The following ANKRD31 variants were observed in gnomAD, a reference collection of about 807,000 sequenced individuals.
ANKRD31 encodes the protein ankyrin repeat domain-containing protein 31.
Under a neutral mutation model 186.0 loss-of-function variants are expected in ANKRD31, and 147 were observed. That is an observed-to-expected ratio of 0.79 (90% confidence interval 0.69 to 0.91). ANKRD31 has a LOEUF of 0.91. Ranked by LOEUF, ANKRD31 falls within the 40% of genes least tolerant of loss-of-function variation. The pLI, the probability that ANKRD31 is intolerant of heterozygous loss-of-function variation, is 0.00. For synonymous variants in ANKRD31, 673 were observed against 736.4 expected (o/e 0.91, Z 1.39); for missense variants, 1,986 against 2,148.8 (o/e 0.92, Z 1.50).
At chr5:75,087,687 A>C (rs917940273) in intron 23 of ANKRD31, among the ~76,000 whole-genome samples, 1 of 151,298 alleles carries the variant, frequency 6.6e-6, no homozygotes, top group Admixed American at 6.6e-5. Flanking sequence ...AACCAATAAA[A>C]AACTGTAGGT....
At chr5:75,207,060 A>G (rs938950390) in intron 4 of ANKRD31, among the ~76,000 whole-genome samples, 1 of 152,226 alleles carries the variant, frequency 6.6e-6, no homozygotes, top group Admixed American at 6.5e-5. Context: ...AAGAAAGGCA[A>G]TCAGCTAACT....
intron 23 of ANKRD31, among the ~76,000 whole-genome samples, chr5:75,084,829 C>A (rs1000880920): frequency 1.3e-5 from 2 of 152,096 alleles, no homozygotes; most frequent in Non-Finnish European, 2.9e-5. Context: ...TTCAAGAAAT[C>A]ACATATTTAA....
intron 22 of ANKRD31, among the ~76,000 whole-genome samples, chr5:75,101,186 C>A (rs541982871): frequency 2.1e-3 from 323 of 152,242 alleles, no homozygotes; most frequent in Non-Finnish European, 3.8e-3. Flanking sequence ...ACTTAGGAAG[C>A]TTAGTTTCGC....
At chr5:75,199,580 A>C in intron 6 of ANKRD31, 51 bp downstream of exon 6, 2 of 1,412,922 alleles carry the variant, frequency 1.4e-6, no homozygotes, top group Non-Finnish European at 1.9e-6. Context: ...TAATTTTTTA[A>C]AAAATCTAAA....
chr5:75,082,949 C>T (rs1000578723), intron 24 of ANKRD31, among the ~76,000 whole-genome samples: 4 of 152,154 alleles, frequency 2.6e-5, no homozygotes, highest in Admixed American at 6.5e-5. Context: ...AAAACAGATT[C>T]GCTGTGCTTC....
Position 75,146,798 on chromosome 5 carries a change from A to G in ANKRD31, c.2613T>C (p.His871=). 6.5e-7 allele frequency: 1 copy of G among 1,536,202 alleles called. No individual in the cohort carries two copies. Among genetic ancestry groups the G allele is most frequent in the East Asian group, 2.4e-5 (1 of 40,866 alleles). The change falls in exon 14 of 26, where the codon CAT becomes CAC. Residue 871 remains histidine (H), a synonymous_variant. Transcript: ENST00000506364. ...QEQHHVLYKS[H]ENSNLVPKDE... ...CTTTTGGGACCAAGTTACTGTTTTC[A>G]TGAGATTTATAAAGTACATGGTGTT...
Position 75,137,964 on chromosome 5 carries a change from T to A in ANKRD31, c.3768A>T (p.Gly1256=). The change falls in exon 17 of 26, where the codon GGA becomes GGT. Residue 1256 remains glycine, a synonymous_variant. Transcript: ENST00000506364. ...ATAACTCTACAATTATATCAATAGA[T>A]CCTTCATTAGATGCCTCATGAAGTG... ...WTPLHEASNE[G]SIDIIVELLK... 3 of 1,525,216 alleles carry A rather than the reference T, an allele frequency of 2.0e-6. No individual in the cohort carries two copies. The highest frequency in any genetic ancestry group is 2.6e-6 in the Non-Finnish European group (3 of 1,142,550). 94.5% of individuals were successfully genotyped at this position (1,525,216 alleles called of 1,614,324 possible).
chr5:75,126,355 T>C (rs1749256262), intron 17 of ANKRD31, among the ~76,000 whole-genome samples: 1 of 152,078 alleles, frequency 6.6e-6, no homozygotes. Context: ...AGCAGGAGAA[T>C]TGCTTGAACC....
In ANKRD31 at chr5:75,146,599, T is replaced by C; in HGVS notation, c.2812A>G (p.Lys938Glu). ...YNFKENLTNK[K>E]EMGFQQFLLS... is the part of the protein sequence containing the mutation. ...AAAAACTGTTGGAAACCCATTTCTT[T>C]TTTATTTGTTAAATTCTCCTTAAAA... The change falls in exon 14 of 26, where the codon AAA (lysine) becomes GAA (glutamate). Residue 938 changes from lysine (K) to glutamate (E), a missense_variant. Transcript: ENST00000506364. The C allele has an allele frequency of 6.5e-7, 1 of 1,535,298 alleles. No homozygotes were observed. Among genetic ancestry groups the C allele is most frequent in the Non-Finnish European group, 8.7e-7 (1 of 1,146,088 alleles).
At position 75,068,482 on chromosome 5, in the gene ANKRD31, G is replaced by A; in HGVS notation, c.*37C>T. The A allele has an allele frequency of 7.0e-7, 1 of 1,434,204 alleles. No homozygotes were observed. The highest frequency in any genetic ancestry group is 9.1e-7 in the Non-Finnish European group (1 of 1,098,228). The allele number at this position is 1,434,204 out of a possible 1,614,324, so 88.8% of individuals were successfully genotyped here. On this transcript the variant is annotated 3_prime_UTR_variant, in exon 26 of 26. Transcript: ENST00000506364. ...AAATATAAATGTTTGTTGGTAATTT[G>A]AACAAATATCCAATAAAATATTAAG... is the stretch of plus-strand genomic sequence containing the variant.
In ANKRD31 at chr5:75,236,839, G is replaced by A. The variant is rs1273299992; in HGVS notation, c.-153C>T. On this transcript the variant is annotated 5_prime_UTR_variant, in exon 1 of 26. Coordinates refer to ENST00000506364, the MANE Select transcript of ANKRD31 (RefSeq NM_001372053.1). ...CGGGACTTGTCGCAGGGCTGCTGAG[G>A]AGGACGCAGGCGGCCGCGAGCGCGG... The A allele has an allele frequency of 6.4e-6, 4 of 620,958 alleles. No homozygotes were observed. The highest frequency in any genetic ancestry group is 1.0e-5 in the Non-Finnish European group (4 of 395,744). The allele number at this position is 620,958 out of a possible 1,614,324, so 38.5% of individuals were successfully genotyped here. A position where few individuals can be genotyped will look rare whatever the true frequency, so the allele number is the denominator to read the frequency against.
intron 25 of ANKRD31, among the ~76,000 whole-genome samples, chr5:75,072,969 A>G (rs1222515629): frequency 1.3e-5 from 2 of 152,214 alleles, no homozygotes; most frequent in African/African-American, 4.8e-5. Flanking sequence ...AACTACGATA[A>G]TTCCTATTGT....
intron 17 of ANKRD31, among the ~76,000 whole-genome samples, chr5:75,121,878 C>T (rs1238748763): frequency 6.6e-6 from 1 of 151,492 alleles, no homozygotes; most frequent in Non-Finnish European, 1.5e-5. Flanking sequence ...AGATTAACAC[C>T]CTAACATCAT....
intron 17 of ANKRD31, among the ~76,000 whole-genome samples, chr5:75,121,440 G>A (rs1044234373): frequency 2.6e-5 from 4 of 152,038 alleles, no homozygotes; most frequent in African/African-American, 9.7e-5. Flanking sequence ...GAGTTAAATT[G>A]AACTTTAGAC....
chr5:75,235,516 A>C (rs1230648883), intron 1 of ANKRD31, among the ~76,000 whole-genome samples: 4 of 152,018 alleles, frequency 2.6e-5, no homozygotes, highest in African/African-American at 9.7e-5. Context: ...TCAGCTTTGA[A>C]CCATCCAGTG....
At chr5:75,075,265 C>T (rs1244730607) in intron 25 of ANKRD31, among the ~76,000 whole-genome samples, 1 of 152,190 alleles carries the variant, frequency 6.6e-6, no homozygotes, top group Non-Finnish European at 1.5e-5. Flanking sequence ...TTTGTACATG[C>T]TCCAGGTATG....
intron 2 of ANKRD31, among the ~76,000 whole-genome samples, chr5:75,224,159 ATG>A (rs1452689001): frequency 0.055 from 2,480 of 45,324 alleles, 149 homozygotes; most frequent in African/African-American, 0.23. Flanking sequence ...ATATATATAT[ATG>A]TATATATATA....
intron 15 of ANKRD31, 108 bp from the exon 16 acceptor site, chr5:75,139,091 C>T (rs1309955696): frequency 8.4e-7 from 1 of 1,194,734 alleles, no homozygotes; most frequent in Non-Finnish European, 1.1e-6. Context: ...TACACAGAAA[C>T]ATATATCAAT....
At chr5:75,096,161 G>C (rs1746300587) in intron 22 of ANKRD31, among the ~76,000 whole-genome samples, 1 of 152,136 alleles carries the variant, frequency 6.6e-6, no homozygotes, top group Admixed American at 6.5e-5. Context: ...CTATTTCTCT[G>C]CAACCTCGCC....
Sources: gnomAD v4.1 joint callset for allele counts (sites outside exome capture counted in the v4.1 genomes callset) on GRCh38, gnomAD v4.1.1 for gene constraint, MANE v1.5 for transcripts, NCBI Gene and HGNC (gene_info 2026-07-23, HGNC 2026-07-21) for gene names.